PRKAG2: variants seen among roughly 807,000 people sequenced by gnomAD.
The protein encoded by PRKAG2 is 5'-AMP-activated protein kinase subunit gamma-2.
In PRKAG2, 26 loss-of-function variants were observed where a neutral mutation model predicts 69.6. That is an observed-to-expected ratio of 0.37 (90% CI 0.27 to 0.52). The LOEUF is 0.52. Among genes scored for constraint, PRKAG2 ranks in the 20% least tolerant of loss-of-function variants. PRKAG2 has a pLI of 0.90. For missense variants in PRKAG2, 557 were observed against 740.0 expected, an observed-to-expected ratio of 0.75 and a Z score of 2.87; for synonymous variants, 293 against 285.0, an observed-to-expected ratio of 1.03 and a Z score of -0.28.
rs1346735435 is a variant in PRKAG2, at chr7:151,828,310, C to T, written c.115-41769G>A. Among the ~76,000 whole-genome samples the T allele has an allele frequency of 1.3e-5, 2 of 152,196 alleles. No homozygotes were observed. The highest frequency in any genetic ancestry group is 2.9e-5 in the Non-Finnish European group (2 of 68,044). ...TAATGGATATCAAATCCTAGCCCAA[C>T]AAGGGGTGACGGCAGGACTCTCCCC... On this transcript the variant is annotated intron_variant, in intron 1 of 15. Transcript: ENST00000287878. The surrounding 1 kb of genome is among the most constrained non-coding windows in gnomAD (Gnocchi z 4.6).
intron 6 of PRKAG2, among the ~76,000 whole-genome samples, chr7:151,588,611 C>T (rs955755071): frequency 2.0e-5 from 3 of 152,060 alleles, no homozygotes; most frequent in Admixed American, 6.6e-5. Context: ...CCACCTGCCT[C>T]GGCCTCCCAA....
intron 14 of PRKAG2, among the ~76,000 whole-genome samples, 171 bp from the exon 15 acceptor site, chr7:151,560,788 T>C (rs1218662542): frequency 6.6e-6 from 1 of 152,194 alleles, no homozygotes; most frequent in African/African-American, 2.4e-5. Flanking sequence ...CTGGGTGTGC[T>C]GGTGTGCACC....
In PRKAG2 at chr7:151,781,005, GT is replaced by G. The variant is rs2076638878; in HGVS notation, c.466+146del. ...TGGAGAGAGATTTGTTTAGGGGGAA[GT>G]GGGGGTGGGGAGAAACAGATACAGG... On this transcript the variant is annotated intron_variant, in intron 3 of 15. Coordinates refer to ENST00000287878, the MANE Select transcript of PRKAG2 (RefSeq NM_016203.4). This position sits in a 1 kb window ranked among gnomAD's most constrained non-coding sequence, Gnocchi z 6.1. 2.9e-6 allele frequency: 3 copies of G among 1,049,480 alleles called. No homozygotes were observed. The highest frequency in any genetic ancestry group is 4.3e-6 in the Non-Finnish European group (3 of 691,756). The allele number at this position is 1,049,480 out of a possible 1,614,324, so 65.0% of individuals were successfully genotyped here. A position where few individuals can be genotyped will look rare whatever the true frequency, so the allele number is the denominator to read the frequency against.
intron 1 of PRKAG2, among the ~76,000 whole-genome samples, chr7:151,830,421 G>A (rs535807133): frequency 9.2e-5 from 14 of 152,052 alleles, no homozygotes; most frequent in African/African-American, 3.1e-4. Flanking sequence ...GAGAGAGGCC[G>A]AGGAGAGAAA....
chr7:151,855,525 C>CCACCCTCCACACACACCACTTTACACACA lies in PRKAG2; in HGVS notation c.114+20981_114+20982insTGTGTGTAAAGTGGTGTGTGTGGAGGGTG, dbSNP rs1393213793. Among the ~76,000 whole-genome samples, 113 of 128,570 alleles carry CCACCCTCCACACACACCACTTTACACACA rather than the reference C, an allele frequency of 8.8e-4. 16 individuals carry two copies. The highest frequency in any genetic ancestry group is 2.5e-3 in the East Asian group (10 of 3,954). 84.3% of individuals were successfully genotyped at this position (128,570 alleles called of 152,430 possible). A position where few individuals can be genotyped will look rare whatever the true frequency, so the allele number is the denominator to read the frequency against. ...CTCCACACACACCGCCCTCCACACA[C>CCACCCTCCACACACACCACTTTACACACA]CGCCCTCCACACACACCACTTTACA... On this transcript the variant is annotated intron_variant, in intron 1 of 15. Transcript: ENST00000287878.
intron 3 of PRKAG2, among the ~76,000 whole-genome samples, chr7:151,704,786 G>A (rs996593662): frequency 2.6e-5 from 4 of 152,312 alleles, no homozygotes. Flanking sequence ...TCTGCCTCCC[G>A]GGGCGCCACG....
At chr7:151,558,570 T>C in intron 15 of PRKAG2, 3 of 915,968 alleles carry the variant, frequency 3.3e-6, no homozygotes, top group Non-Finnish European at 3.9e-6. Context: ...GCCTCCTCAC[T>C]TGCGATTGTT....
chr7:151,708,603 G>T (rs1349618205), intron 3 of PRKAG2, among the ~76,000 whole-genome samples: 1 of 152,104 alleles, frequency 6.6e-6, no homozygotes, highest in African/African-American at 2.4e-5. Flanking sequence ...ATGCCTGTAG[G>T]GTCCTGGCAA....
At chr7:151,859,782 C>T (rs1045847143) in intron 1 of PRKAG2, among the ~76,000 whole-genome samples, 6 of 152,172 alleles carry the variant, frequency 3.9e-5, no homozygotes, top group South Asian at 2.1e-4. Flanking sequence ...GTTAAGGCAC[C>T]GAGGATGTAT....
chr7:151,784,511 G>C (rs1341644757), intron 2 of PRKAG2, among the ~76,000 whole-genome samples: 1 of 152,254 alleles, frequency 6.6e-6, no homozygotes, highest in Non-Finnish European at 1.5e-5. Context: ...GGCCCTGACA[G>C]CTGGCTAGGC....
chr7:151,679,646 GAAACCCC>G (rs1833532085), intron 3 of PRKAG2, among the ~76,000 whole-genome samples: 1 of 152,206 alleles, frequency 6.6e-6, no homozygotes, highest in Non-Finnish European at 1.5e-5. Context: ...GCCCTGCAGA[GAAACCCC>G]TCTGGGGGGC....
At chr7:151,698,928 G>A (rs1191673223) in intron 3 of PRKAG2, among the ~76,000 whole-genome samples, 2 of 152,204 alleles carry the variant, frequency 1.3e-5, no homozygotes, top group Non-Finnish European at 2.9e-5. Flanking sequence ...AAGCCACCCT[G>A]AGATGCCACG....
intron 5 of PRKAG2, among the ~76,000 whole-genome samples, chr7:151,611,481 T>C (rs4726060): frequency 0.27 from 41,785 of 152,018 alleles, 5,840 homozygotes; most frequent in African/African-American, 0.31. Flanking sequence ...GTGATTCAAG[T>C]GAAATAAATC....
At chr7:151,640,686 C>T (rs1826524920) in intron 4 of PRKAG2, among the ~76,000 whole-genome samples, 1 of 149,524 alleles carries the variant, frequency 6.7e-6, no homozygotes, top group Non-Finnish European at 1.5e-5. Flanking sequence ...CTTCCTTCCC[C>T]GATTCACGAC....
At chr7:151,603,570 G>A (rs866969144) in intron 5 of PRKAG2, among the ~76,000 whole-genome samples, 1 of 103,166 alleles carries the variant, frequency 9.7e-6, no homozygotes, top group African/African-American at 4.9e-5. Context: ...CACACGGAGG[G>A]ACACGCTCCG....
intron 5 of PRKAG2, among the ~76,000 whole-genome samples, chr7:151,621,654 C>T (rs975480775): frequency 3.3e-5 from 5 of 152,166 alleles, no homozygotes; most frequent in African/African-American, 1.2e-4. Flanking sequence ...CTCTCTGCCA[C>T]CTCCACCTCC....
intron 5 of PRKAG2, among the ~76,000 whole-genome samples, chr7:151,627,368 A>G (rs1238406086): frequency 2.0e-5 from 3 of 152,164 alleles, no homozygotes; most frequent in Admixed American, 6.5e-5. Flanking sequence ...GCTCACACCT[A>G]TAATCCCAGC....
intron 1 of PRKAG2, among the ~76,000 whole-genome samples, chr7:151,832,686 C>T (rs918790528): frequency 4.6e-5 from 7 of 151,930 alleles, no homozygotes; most frequent in Non-Finnish European, 8.8e-5. Flanking sequence ...CATGTCCACT[C>T]CTGAGGGGCC....
chr7:151,729,823 C>T (rs113599897), intron 3 of PRKAG2, among the ~76,000 whole-genome samples: 3 of 152,332 alleles, frequency 2.0e-5, no homozygotes, highest in South Asian at 2.1e-4. Context: ...CCACACAGCC[C>T]TCTCCCCATC....
Sources: allele counts gnomAD v4.1 joint callset (sites outside exome capture counted in the v4.1 genomes callset), GRCh38; gene constraint gnomAD v4.1.1; non-coding constraint Gnocchi (gnomAD v3.1); transcripts MANE v1.5; gene names NCBI Gene and HGNC (gene_info 2026-07-23, HGNC 2026-07-21).